CDH20: variants seen among roughly 807,000 people sequenced by gnomAD.
The protein encoded by CDH20 is cadherin-20.
A neutral mutation model predicts 74.2 loss-of-function variants in CDH20; 29 were observed. That is an observed-to-expected ratio of 0.39 (90% CI 0.29 to 0.53). The LOEUF (loss-of-function observed/expected upper bound fraction) is 0.53. Ranked by LOEUF, CDH20 falls within the 20% of genes least tolerant of loss-of-function variation. The pLI is 0.69. For missense variants in CDH20, 988 were observed against 1,048.3 expected (o/e 0.94, Z 0.79); for synonymous variants, 469 against 405.4 (o/e 1.16, Z -1.88).
At chr18:61,486,958 C>T (rs1230116511) in intron 1 of CDH20, among the ~76,000 whole-genome samples, 1 of 152,152 alleles carries the variant, frequency 6.6e-6, no homozygotes, top group Non-Finnish European at 1.5e-5. Flanking sequence ...CCATCCCTCC[C>T]CACTACATTT....
At chr18:61,504,287 C>T (rs1911484453) in intron 5 of CDH20, among the ~76,000 whole-genome samples, 1 of 152,054 alleles carries the variant, frequency 6.6e-6, no homozygotes. Flanking sequence ...CTGCTAAGGA[C>T]TTAAGGAAAT....
At chr18:61,462,035 C>T (rs931063670) in intron 1 of CDH20, among the ~76,000 whole-genome samples, 2 of 152,084 alleles carry the variant, frequency 1.3e-5, no homozygotes, top group Non-Finnish European at 2.9e-5. Flanking sequence ...CATAGGAGTA[C>T]CAATCAGAGG....
At chr18:61,369,541 T>G (rs1910963301) in intron 1 of CDH20, among the ~76,000 whole-genome samples, 1 of 152,164 alleles carries the variant, frequency 6.6e-6, no homozygotes, top group African/African-American at 2.4e-5. Context: ...TCCTATCATT[T>G]GACCCAGGAG....
chr18:61,430,079 T>C (rs1913204806), intron 1 of CDH20, among the ~76,000 whole-genome samples: 1 of 152,132 alleles, frequency 6.6e-6, no homozygotes, highest in Non-Finnish European at 1.5e-5. Context: ...GCTTTTTTTT[T>C]TTTCATTGTC....
chr18:61,458,558 T>C (rs955425574), intron 1 of CDH20, among the ~76,000 whole-genome samples: 3 of 152,162 alleles, frequency 2.0e-5, no homozygotes, highest in Non-Finnish European at 4.4e-5. Flanking sequence ...TTTGATTCTG[T>C]AGGCAGCAAT....
chr18:61,484,226 A>G (rs688060), intron 1 of CDH20, among the ~76,000 whole-genome samples: 151,076 of 152,356 alleles, frequency 0.99, 74,921 homozygotes, highest in Middle Eastern at 1. Flanking sequence ...CACATAAAAC[A>G]GGAAATTAGT....
Position 61,554,894 on chromosome 18 carries a change from G to C in CDH20, c.*199G>C, listed in dbSNP as rs180785121. The stretch of plus-strand genomic sequence containing the variant: ...GCAAAAGGAAACCCAGAAGGAAGAG[G>C]GCAGAATCTTTAATTACCTTTTTTT... On this transcript the variant is annotated 3_prime_UTR_variant, in exon 12 of 12. Coordinates refer to ENST00000262717, the MANE Select transcript of CDH20 (RefSeq NM_031891.4). The C allele has an allele frequency of 5.7e-4, 791 of 1,384,324 alleles. 4 individuals are homozygous for C. In the African/African-American group the frequency reaches 9.5e-3, roughly 17 times the overall value. 85.8% of individuals were successfully genotyped at this position (1,384,324 alleles called of 1,614,324 possible). A position where few individuals can be genotyped will look rare whatever the true frequency, so the allele number is the denominator to read the frequency against.
At position 61,528,354 on chromosome 18, in the gene CDH20, G is replaced by A. The variant is rs1460938174; in HGVS notation, c.1271+134G>A. ...GGAGACTCTCCTCTTTGAGTTTTTT[G>A]TGTTGTTTTTTTTTTTTTCCCTTAA... On this transcript the variant is annotated intron_variant, in intron 7 of 11. Transcript: ENST00000262717. The A allele has an allele frequency of 2.6e-5, 23 of 873,416 alleles. No homozygotes were observed. The Admixed American group carries it at 6.0e-4, about 23-fold the overall frequency. The allele number at this position is 873,416 out of a possible 1,614,324, so 54.1% of individuals were successfully genotyped here. A position where few individuals can be genotyped will look rare whatever the true frequency, so the allele number is the denominator to read the frequency against.
At chr18:61,545,993 T>A (rs1445640191) in intron 10 of CDH20, among the ~76,000 whole-genome samples, 1 of 152,132 alleles carries the variant, frequency 6.6e-6, no homozygotes, top group African/African-American at 2.4e-5. Context: ...GAAGGACTTT[T>A]GTTCTGTAGC....
intron 1 of CDH20, among the ~76,000 whole-genome samples, chr18:61,397,704 T>G (rs1269509177): frequency 6.6e-6 from 1 of 152,204 alleles, no homozygotes; most frequent in African/African-American, 2.4e-5. Context: ...CCAGCCTGCC[T>G]GGGTTCTAAT....
intron 1 of CDH20, among the ~76,000 whole-genome samples, chr18:61,363,051 G>C (rs1318004265): frequency 6.6e-6 from 1 of 152,104 alleles, no homozygotes; most frequent in Non-Finnish European, 1.5e-5. Context: ...AAATTAAGGA[G>C]AGCAGATGCA....
intron 7 of CDH20, 33 bp from the exon 8 acceptor site, chr18:61,536,460 T>C (rs778164542): frequency 6.2e-7 from 1 of 1,603,914 alleles, no homozygotes; most frequent in South Asian, 1.1e-5. Flanking sequence ...CTTACCCAAA[T>C]GCAAATGATG....
chr18:61,338,782 T>G (rs868565458), intron 1 of CDH20, among the ~76,000 whole-genome samples: 1 of 152,176 alleles, frequency 6.6e-6, no homozygotes, highest in Admixed American at 6.5e-5. Flanking sequence ...TGTTTAACAA[T>G]CAAATCACAA....
chr18:61,553,767 T>C (rs192985103), intron 11 of CDH20, among the ~76,000 whole-genome samples: 2 of 152,304 alleles, frequency 1.3e-5, no homozygotes, highest in East Asian at 3.9e-4. Flanking sequence ...ATAATAAGAC[T>C]TTCACATTAT....
chr18:61,341,277 C>G (rs1909939760), intron 1 of CDH20, among the ~76,000 whole-genome samples: 1 of 152,190 alleles, frequency 6.6e-6, no homozygotes, highest in African/African-American at 2.4e-5. Context: ...GGGCCTTCTT[C>G]TGAGCTGCAG....
At chr18:61,391,846 G>A (rs1249205788) in intron 1 of CDH20, 3 of 152,058 alleles carry the variant, frequency 2.0e-5, no homozygotes, top group South Asian at 4.2e-4. Context: ...TTCACAATAT[G>A]TCAAGTGGAA....
intron 7 of CDH20, among the ~76,000 whole-genome samples, chr18:61,530,859 AC>A (rs1912612581): frequency 6.6e-6 from 1 of 152,014 alleles, no homozygotes; most frequent in East Asian, 1.9e-4. Flanking sequence ...TGCTCCTGAC[AC>A]CCCACCTCCA....
intron 1 of CDH20, among the ~76,000 whole-genome samples, chr18:61,341,118 C>T (rs758537654): frequency 2.6e-5 from 4 of 152,142 alleles, no homozygotes; most frequent in Non-Finnish European, 5.9e-5. Flanking sequence ...ACCTCCCACA[C>T]GGGTGCCAAT....
chr18:61,541,860 A>G (rs1362685036), intron 9 of CDH20, among the ~76,000 whole-genome samples: 1 of 152,226 alleles, frequency 6.6e-6, no homozygotes, highest in Non-Finnish European at 1.5e-5. Flanking sequence ...GGGCGGAATG[A>G]AACCAGCTGA....
Sources: gnomAD v4.1 joint callset for allele counts (sites outside exome capture counted in the v4.1 genomes callset) on GRCh38, gnomAD v4.1.1 for gene constraint, MANE v1.5 for transcripts, NCBI Gene and HGNC (gene_info 2026-07-23, HGNC 2026-07-21) for gene names.